The following CEP20 variants were observed in gnomAD, a reference collection of about 807,000 sequenced individuals.
CEP20 encodes the protein centrosomal protein 20.
CEP20 carries 18 observed loss-of-function variants against 20.0 expected under a neutral mutation model. That is an observed-to-expected ratio of 0.90 (90% confidence interval 0.62 to 1.34). The LOEUF is 1.34. Ranked by LOEUF, CEP20 falls within the 40% of genes most tolerant of loss-of-function variation. The probability of loss-of-function intolerance (pLI) is 0.00; values close to 1 mark genes in which losing one functional copy is unlikely to be tolerated. For synonymous variants in CEP20, 77 were observed against 73.7 expected (o/e 1.04, Z -0.23); for missense variants, 215 against 201.6 (o/e 1.07, Z -0.40).
In CEP20 at chr16:15,873,599, A is replaced by G; in HGVS notation, c.340T>C (p.Phe114Leu). 6.2e-7 allele frequency: 1 copy of G among 1,614,010 alleles called. No homozygotes were observed. Among genetic ancestry groups the G allele is most frequent in the Middle Eastern group, 1.6e-4 (1 of 6,062 alleles). ...IPLLYGILAH[F>L]LRGTKDGIQN... ...ATGCCATCCTTAGTTCCACGCAAGA[A>G]ATGGGCTAAAATCCCATATAAAAGA... The change falls in exon 4 of 5, where the codon TTC (phenylalanine) becomes CTC (leucine). Residue 114 changes from phenylalanine to leucine, a missense_variant. Physicochemically the swap from Phe to Leu is conservative, Grantham distance 22. Coordinates refer to ENST00000255759, the MANE Select transcript of CEP20 (RefSeq NM_144600.4).
intron 3 of CEP20, among the ~76,000 whole-genome samples, chr16:15,876,184 T>TA (rs1312725876): frequency 7.0e-6 from 1 of 143,738 alleles, no homozygotes; most frequent in Non-Finnish European, 1.5e-5. Flanking sequence ...TTTTTTTTTT[T>TA]AAAGAATTGA....
intron 2 of CEP20, chr16:15,883,118 T>C (rs2045150072): frequency 6.6e-6 from 1 of 152,218 alleles, no homozygotes; most frequent in South Asian, 2.1e-4. Flanking sequence ...TCCCAGCATT[T>C]GGGGAGTGTG....
At chr16:15,872,783 C>T (rs1050670293) in intron 4 of CEP20, among the ~76,000 whole-genome samples, 2 of 127,648 alleles carry the variant, frequency 1.6e-5, no homozygotes, top group Non-Finnish European at 3.3e-5. Context: ...CAAAAAAATA[C>T]ATAAAAATTT....
At chr16:15,886,524 C>T (rs1404285595) in intron 1 of CEP20, among the ~76,000 whole-genome samples, 2 of 152,150 alleles carry the variant, frequency 1.3e-5, no homozygotes, top group Non-Finnish European at 2.9e-5. Flanking sequence ...CTCTGTATTG[C>T]ACACAGGACA....
intron 3 of CEP20, 29 bp downstream of exon 3, chr16:15,879,775 G>T: frequency 7.6e-7 from 1 of 1,311,478 alleles, no homozygotes; most frequent in Non-Finnish European, 1.1e-6. Flanking sequence ...AATACAATAT[G>T]TGGAAACTTC....
chr16:15,873,681 G>A (rs926066089), intron 3 of CEP20, 54 bp from the exon 4 acceptor site: 28 of 1,540,156 alleles, frequency 1.8e-5, no homozygotes, highest in South Asian at 2.5e-5. Flanking sequence ...CTGCATAAAC[G>A]GGAAAAGCTT....
intron 3 of CEP20, among the ~76,000 whole-genome samples, chr16:15,878,698 C>T (rs1163852465): frequency 2.6e-5 from 4 of 152,026 alleles, no homozygotes; most frequent in Non-Finnish European, 4.4e-5. Flanking sequence ...TGGGGTTTCG[C>T]CATGTTGACC....
chr16:15,866,089 A>G lies in CEP20; in HGVS notation c.*1351T>C, dbSNP rs996333263. The G allele has an allele frequency of 2.0e-5, 3 of 152,128 alleles. No individual in the cohort carries two copies. The highest frequency in any genetic ancestry group is 4.4e-5 in the Non-Finnish European group (3 of 68,022). The allele number at this position is 152,128 out of a possible 1,614,324, so 9.4% of individuals were successfully genotyped here. A position where few individuals can be genotyped will look rare whatever the true frequency, so the allele number is the denominator to read the frequency against. On this transcript the variant is annotated 3_prime_UTR_variant, in exon 5 of 5. Transcript: ENST00000255759. ...AAATGGACTCTTGCAATACTTCTGC[A>G]TCCATATATAATTTTACCAGCAGGG... is the stretch of plus-strand genomic sequence containing the variant.
At chr16:15,871,872 A>G (rs1248519771) in intron 4 of CEP20, among the ~76,000 whole-genome samples, 1 of 152,188 alleles carries the variant, frequency 6.6e-6, no homozygotes, top group East Asian at 1.9e-4. Flanking sequence ...CACGGTCACT[A>G]CTGGTCATAG....
intron 1 of CEP20, among the ~76,000 whole-genome samples, chr16:15,884,793 C>T (rs543265430): frequency 6.6e-6 from 1 of 152,194 alleles, no homozygotes; most frequent in South Asian, 2.1e-4. Flanking sequence ...TGTCAGCCAC[C>T]GTGCCCGGCC....
chr16:15,868,036 CAA>C (rs2044727518), intron 4 of CEP20, among the ~76,000 whole-genome samples: 1 of 148,112 alleles, frequency 6.8e-6, no homozygotes, highest in Non-Finnish European at 1.5e-5. Flanking sequence ...TCTAATTATT[CAA>C]AAGAGTTTCT....
chr16:15,879,869 A>G lies in CEP20; in HGVS notation c.246T>C (p.Val82=), dbSNP rs1424337688. 10 of 1,584,202 alleles carry G rather than the reference A, an allele frequency of 6.3e-6. No individual in the cohort carries two copies. Among genetic ancestry groups the G allele is most frequent in the Non-Finnish European group, 7.7e-6 (9 of 1,171,862 alleles). Residue 82 remains valine, a synonymous_variant, in exon 3 of 5, where the codon GTT becomes GTC. Coordinates refer to ENST00000255759, the MANE Select transcript of CEP20 (RefSeq NM_144600.4). The part of the protein sequence containing the change: ...VLIAESGQPV[V]PLDRQFLIHE... Reference sequence around the variant, plus strand: ...GGATGAGAAACTGTCTGTCCAACGGAACTACAGGTTGACCAGATTCTGGGA... The same window carrying G: ...GGATGAGAAACTGTCTGTCCAACGGGACTACAGGTTGACCAGATTCTGGGA...
intron 4 of CEP20, among the ~76,000 whole-genome samples, chr16:15,873,239 A>G (rs7193521): frequency 0.069 from 10,439 of 152,190 alleles, 473 homozygotes; most frequent in East Asian, 0.22. Context: ...CATTGTGCCT[A>G]GCCCAGAGTT....
chr16:15,881,946 G>A (rs1448726014), intron 2 of CEP20, among the ~76,000 whole-genome samples: 1 of 152,014 alleles, frequency 6.6e-6, no homozygotes, highest in Non-Finnish European at 1.5e-5. Context: ...CTGGATATTT[G>A]TCTCCGCCCA....
At chr16:15,884,269 T>A in intron 1 of CEP20, 64 bp from the exon 2 acceptor site, 4 of 1,450,954 alleles carry the variant, frequency 2.8e-6, no homozygotes, top group Non-Finnish European at 3.8e-6. Context: ...AGGCATACTT[T>A]GAAAAGAAAT....
At chr16:15,879,909 A>G in intron 2 of CEP20, 21 bp from the exon 3 acceptor site, 1 of 1,489,856 alleles carries the variant, frequency 6.7e-7, no homozygotes, top group Non-Finnish European at 9.2e-7. Context: ...TAAATTCATG[A>G]GAACACTCAG....
intron 2 of CEP20, among the ~76,000 whole-genome samples, chr16:15,881,847 ATTTATC>A (rs1233790920): frequency 1.3e-5 from 2 of 152,112 alleles, no homozygotes; most frequent in Non-Finnish European, 2.9e-5. Flanking sequence ...GATAAAGGGA[ATTTATC>A]TTTATCTCCC....
chr16:15,885,240 G>A (rs998676102), intron 1 of CEP20, among the ~76,000 whole-genome samples: 3 of 151,716 alleles, frequency 2.0e-5, no homozygotes, highest in Non-Finnish European at 4.4e-5. Context: ...CCTGGGAGGT[G>A]GAGGGTGCAG....
intron 2 of CEP20, among the ~76,000 whole-genome samples, chr16:15,882,769 ATCTATC>A (rs2045133268): frequency 1.1e-5 from 1 of 93,584 alleles, no homozygotes; most frequent in South Asian, 4.0e-4. Flanking sequence ...CTATCTATCT[ATCTATC>A]TATCTAGATA....
Sources: gnomAD v4.1 joint callset for allele counts (sites outside exome capture counted in the v4.1 genomes callset) on GRCh38, gnomAD v4.1.1 for gene constraint, MANE v1.5 for transcripts, NCBI Gene and HGNC (gene_info 2026-07-23, HGNC 2026-07-21) for gene names.